Variants in SREBF2 observed in about 807,000 individuals in gnomAD.
SREBF2 encodes sterol regulatory element binding transcription factor 2.
SREBF2 carries 55 observed loss-of-function variants against 113.1 expected under a neutral mutation model. That is an observed-to-expected ratio of 0.49 (90% CI 0.39 to 0.61). The LOEUF (loss-of-function observed/expected upper bound fraction) is 0.61. SREBF2 is among the 20% of genes least tolerant of loss of function. The pLI, the probability that SREBF2 is intolerant of heterozygous loss-of-function variation, is 0.00. For synonymous variants in SREBF2, 593 were observed against 605.7 expected, an observed-to-expected ratio of 0.98 and a Z score of 0.31; for missense variants, 1,349 against 1,487.4, an observed-to-expected ratio of 0.91 and a Z score of 1.53.
chr22:41,839,653 G>C (rs968658514), intron 1 of SREBF2, among the ~76,000 whole-genome samples: 4 of 152,204 alleles, frequency 2.6e-5, no homozygotes, highest in Admixed American at 1.3e-4. Context: ...GAGTTTGCCT[G>C]TTCTGGACAA....
chr22:41,885,142 C>A, intron 11 of SREBF2, 131 bp downstream of exon 11: 2 of 1,117,442 alleles, frequency 1.8e-6, no homozygotes, highest in Non-Finnish European at 2.6e-6. Flanking sequence ...GGCAGGCATT[C>A]ATTCAGTCGC....
intron 9 of SREBF2, chr22:41,878,670 A>G (rs1321582085): frequency 7.7e-7 from 1 of 1,303,728 alleles, no homozygotes; most frequent in Non-Finnish European, 1.0e-6. Flanking sequence ...GAGTTTACGG[A>G]AAAAAATCTG....
intron 1 of SREBF2, among the ~76,000 whole-genome samples, chr22:41,853,303 A>G (rs2076949265): frequency 6.6e-6 from 1 of 152,194 alleles, no homozygotes; most frequent in African/African-American, 2.4e-5. Context: ...ATTGTCTTCA[A>G]CAACCTATCA....
chr22:41,845,874 C>A (rs907567808), intron 1 of SREBF2, among the ~76,000 whole-genome samples: 3 of 152,158 alleles, frequency 2.0e-5, no homozygotes, highest in African/African-American at 7.2e-5. Context: ...GGGTATACCC[C>A]CAAAGATCTG....
chr22:41,855,676 A>G (rs1437717818), intron 1 of SREBF2, among the ~76,000 whole-genome samples: 2 of 152,218 alleles, frequency 1.3e-5, no homozygotes, highest in East Asian at 3.8e-4. Flanking sequence ...GGTAGTAAAT[A>G]GAAAGTCAAA....
Position 41,898,729 on chromosome 22 carries a change from C to G in SREBF2, c.2686C>G (p.Arg896Gly), listed in dbSNP as rs760768724. 2 of 1,613,928 alleles carry G rather than the reference C, an allele frequency of 1.2e-6. No homozygotes were observed. The highest frequency in any genetic ancestry group is 2.7e-5 in the African/African-American group (2 of 74,900). The change falls in exon 15 of 19, where the codon CGC (arginine) becomes GGC (glycine). Residue 896 changes from arginine to glycine, a missense_variant. By Grantham distance (125) the Arg-to-Gly change is moderately radical. Around this residue, in one of 2 missense-constraint regions of SREBF2, gnomAD observed 650 missense variants for 644.1 expected, o/e 1.01. Coordinates refer to ENST00000361204, the MANE Select transcript of SREBF2 (RefSeq NM_004599.4). Reference protein sequence around the residue: ...SWLQGDDAAVRSHFTKVERIP... With the variant: ...SWLQGDDAAVGSHFTKVERIP... ...GCTCCAGGGAGACGATGCAGCTGTG[C>G]GCTCTCATTTTACCAAAGTGGAACG...
At chr22:41,866,330 C>T (rs1184393759) in intron 1 of SREBF2, among the ~76,000 whole-genome samples, 1 of 152,086 alleles carries the variant, frequency 6.6e-6, no homozygotes, top group Non-Finnish European at 1.5e-5. Flanking sequence ...GTGGGTGGAT[C>T]ACCTAAGGTC....
chr22:41,904,639 CCT>C (rs892932678), intron 17 of SREBF2: 4 of 699,272 alleles, frequency 5.7e-6, no homozygotes, highest in African/African-American at 5.3e-5. Flanking sequence ...AGGCCTTTTG[CCT>C]CTCTCTCCTC....
intron 11 of SREBF2, among the ~76,000 whole-genome samples, chr22:41,890,068 ATTC>A (rs980363002): frequency 2.0e-5 from 3 of 152,212 alleles, no homozygotes; most frequent in African/African-American, 7.2e-5. Flanking sequence ...AATCCAAAAT[ATTC>A]TTTTATTTAT....
In SREBF2 at chr22:41,833,995, G is replaced by A. The variant is rs892070267; in HGVS notation, c.88+637G>A. 1.3e-5 allele frequency: 2 copies of A among 152,744 alleles called. No homozygotes were observed. Among genetic ancestry groups the A allele is most frequent in the African/African-American group, 4.8e-5 (2 of 41,466 alleles). The allele number at this position is 152,744 out of a possible 1,614,324, so 9.5% of individuals were successfully genotyped here. On this transcript the variant is annotated intron_variant, in intron 1 of 18. Transcript: ENST00000361204. The surrounding 1 kb of genome is among the most constrained non-coding windows in gnomAD (Gnocchi z 4.1). Reference sequence around the variant, plus strand: ...CTGCTGTCACGCTGCAAGGGGAATTGAGCAGAAGAAATTTTGAGTTGTGGC... The same window carrying A: ...CTGCTGTCACGCTGCAAGGGGAATTAAGCAGAAGAAATTTTGAGTTGTGGC...
At chr22:41,860,170 AG>A (rs1432693760) in intron 1 of SREBF2, among the ~76,000 whole-genome samples, 2 of 151,964 alleles carry the variant, frequency 1.3e-5, no homozygotes, top group African/African-American at 4.8e-5. Context: ...GAAATAACAA[AG>A]TGGGGGAAGT....
At chr22:41,863,647 C>T (rs953663839) in intron 1 of SREBF2, among the ~76,000 whole-genome samples, 2 of 152,140 alleles carry the variant, frequency 1.3e-5, no homozygotes, top group Non-Finnish European at 2.9e-5. Context: ...GCAATCTGCC[C>T]ATTTCTCCCT....
intron 1 of SREBF2, among the ~76,000 whole-genome samples, chr22:41,854,726 G>A (rs530055190): frequency 9.1e-4 from 138 of 151,610 alleles, no homozygotes; most frequent in African/African-American, 3.3e-3. Context: ...AAAATTAGCC[G>A]GGTTTGGTGG....
At chr22:41,868,177 C>G (rs2077104335) in intron 2 of SREBF2, among the ~76,000 whole-genome samples, 1 of 152,218 alleles carries the variant, frequency 6.6e-6, no homozygotes, top group South Asian at 2.1e-4. Context: ...TTCAAAGAAT[C>G]TTATAGTTCT....
At chr22:41,894,717 C>T (rs2077396643) in intron 12 of SREBF2, 103 bp from the exon 13 acceptor site, 1 of 961,784 alleles carries the variant, frequency 1.0e-6, no homozygotes, top group Non-Finnish European at 1.7e-6. Context: ...GGCATCTGAT[C>T]CCCATTCACA....
intron 10 of SREBF2, among the ~76,000 whole-genome samples, chr22:41,882,820 A>G (rs1569400560): frequency 6.6e-6 from 1 of 152,198 alleles, no homozygotes; most frequent in Non-Finnish European, 1.5e-5. Context: ...AAGAAAGGAT[A>G]AAGGCTGGCA....
chr22:41,860,321 CA>C (rs2077015920), intron 1 of SREBF2, among the ~76,000 whole-genome samples: 1 of 150,492 alleles, frequency 6.6e-6, no homozygotes, highest in South Asian at 2.1e-4. Flanking sequence ...GGAAGAAATG[CA>C]AATGCTCAAT....
At position 41,866,944 on chromosome 22, in the gene SREBF2, GGCA is replaced by G. The variant is rs143615881; in HGVS notation, c.221_223del (p.Ser74del). 12 of 1,605,844 alleles carry G rather than the reference GGCA, an allele frequency of 7.5e-6. No individual in the cohort carries two copies. The highest frequency in any genetic ancestry group is 2.2e-5 in the East Asian group (1 of 44,636). ...TAGTGGTAGCAGCAGCGGCAGCAGT[GGCA>G]GCAGCAGCAGCAGCAGCAATGGCAG... On this transcript the variant is annotated inframe_deletion, in exon 2 of 19. Coordinates refer to ENST00000361204, the MANE Select transcript of SREBF2 (RefSeq NM_004599.4).
chr22:41,901,357 A>G (rs538226289), intron 16 of SREBF2, among the ~76,000 whole-genome samples: 2 of 152,198 alleles, frequency 1.3e-5, no homozygotes, highest in African/African-American at 2.4e-5. Flanking sequence ...GGGACAGGCA[A>G]TGTGCAGAAA....
Sources: gnomAD v4.1 joint callset for allele counts (sites outside exome capture counted in the v4.1 genomes callset) on GRCh38, gnomAD v4.1.1 for gene constraint, gnomAD v4.1.1 regional missense constraint, Gnocchi (gnomAD v3.1) non-coding constraint, MANE v1.5 for transcripts, NCBI Gene and HGNC (gene_info 2026-07-23, HGNC 2026-07-21) for gene names.